The following DSCAM variants were observed in gnomAD, a reference collection of about 807,000 sequenced individuals.
DSCAM encodes DS cell adhesion molecule.
Under a neutral mutation model 217.7 loss-of-function variants are expected in DSCAM, and 47 were observed. That is an observed-to-expected ratio of 0.22 (90% CI 0.17 to 0.28). The LOEUF (loss-of-function observed/expected upper bound fraction) is 0.28, where lower values mean the gene tolerates loss of function less well. Ranked by LOEUF, DSCAM falls within the 10% of genes least tolerant of loss-of-function variation. The pLI is 1.00. For synonymous variants in DSCAM, 1,056 were observed against 1,015.3 expected, an observed-to-expected ratio of 1.04 and a Z score of -0.76; for missense variants, 2,080 against 2,618.3, an observed-to-expected ratio of 0.79 and a Z score of 4.49.
chr21:40,188,051 C>T (rs2090914290), intron 12 of DSCAM, 64 bp from the exon 13 acceptor site: 2 of 1,235,936 alleles, frequency 1.6e-6, no homozygotes, highest in East Asian at 4.8e-5. Context: ...AGCCGTAAAG[C>T]TCTCTCTCTC....
intron 4 of DSCAM, among the ~76,000 whole-genome samples, chr21:40,356,555 G>A (rs953892638): frequency 1.1e-4 from 17 of 152,130 alleles, no homozygotes; most frequent in African/African-American, 3.4e-4. Context: ...GCTTAAAGGC[G>A]ACTTAGCTGG....
chr21:40,668,090 C>T (rs546827901), intron 3 of DSCAM, among the ~76,000 whole-genome samples: 1 of 152,312 alleles, frequency 6.6e-6, no homozygotes, highest in East Asian at 1.9e-4. Flanking sequence ...ATACCAAATA[C>T]AGTTGCTAGA....
chr21:40,711,243 T>C (rs944901078), intron 1 of DSCAM, among the ~76,000 whole-genome samples: 4 of 152,174 alleles, frequency 2.6e-5, no homozygotes, highest in Non-Finnish European at 4.4e-5. Context: ...TTCTCCGTGG[T>C]GTGGAGCTGA....
chr21:40,809,227 C>A lies in DSCAM; in HGVS notation c.43+37392G>T, dbSNP rs568516275. Among the ~76,000 whole-genome samples, 295 of 152,262 alleles carry A rather than the reference C, an allele frequency of 1.9e-3. 3 individuals carry two copies. The highest frequency in any genetic ancestry group is 7.0e-3 in the African/African-American group (291 of 41,564). On this transcript the variant is annotated intron_variant, in intron 1 of 32. Coordinates refer to ENST00000400454, the MANE Select transcript of DSCAM (RefSeq NM_001389.5). ...CAAGAGACAACAGCTGCCACCATGT[C>A]CCAGGACAGACTGGTAGCTCATAAG... is the stretch of plus-strand genomic sequence containing the variant.
At chr21:40,686,217 A>ACACACACACCCCC (rs1555880554) in intron 3 of DSCAM, among the ~76,000 whole-genome samples, 1 of 146,698 alleles carries the variant, frequency 6.8e-6, no homozygotes, top group Non-Finnish European at 1.5e-5. Flanking sequence ...CCACACACAC[A>ACACACACACCCCC]CACACACACA....
intron 11 of DSCAM, among the ~76,000 whole-genome samples, chr21:40,235,705 C>G (rs1301427506): frequency 6.6e-6 from 1 of 152,002 alleles, no homozygotes; most frequent in Non-Finnish European, 1.5e-5. Context: ...AATTTGGCCT[C>G]ACTCCCAAGG....
At chr21:40,537,352 T>C (rs1163857853) in intron 3 of DSCAM, among the ~76,000 whole-genome samples, 1 of 152,176 alleles carries the variant, frequency 6.6e-6, no homozygotes, top group Admixed American at 6.5e-5. Flanking sequence ...CTTCTCCTCT[T>C]GCAAACATGT....
intron 11 of DSCAM, among the ~76,000 whole-genome samples, chr21:40,262,079 G>A (rs981618726): frequency 6.6e-6 from 1 of 151,454 alleles, no homozygotes; most frequent in African/African-American, 2.4e-5. Context: ...CTGTCCATGT[G>A]TACATAAAGA....
chr21:40,637,594 A>C lies in DSCAM; in HGVS notation c.508+55216T>G, dbSNP rs184266159. Among the ~76,000 whole-genome samples, 6 of 35,556 alleles carry C rather than the reference A, an allele frequency of 1.7e-4. 2 individuals carry two copies. The highest frequency in any genetic ancestry group is 1.5e-3 in the South Asian group (2 of 1,302). The allele number at this position is 35,556 out of a possible 152,430, so 23.3% of individuals were successfully genotyped here. A position where few individuals can be genotyped will look rare whatever the true frequency, so the allele number is the denominator to read the frequency against. On this transcript the variant is annotated intron_variant, in intron 3 of 32. Transcript: ENST00000400454. ...ATATATATAAATATATACATATATA[A>C]ATATATATATAAATATATATAAATA...
chr21:40,760,157 C>G (rs1027869727), intron 1 of DSCAM, among the ~76,000 whole-genome samples: 5 of 151,838 alleles, frequency 3.3e-5, no homozygotes, highest in Non-Finnish European at 7.4e-5. Context: ...CCACACCCAG[C>G]TAATTTTTGA....
intron 3 of DSCAM, among the ~76,000 whole-genome samples, chr21:40,495,193 A>T (rs1005970104): frequency 1.1e-4 from 17 of 152,184 alleles, no homozygotes; most frequent in African/African-American, 4.1e-4. Context: ...AAATTATTTT[A>T]AAAAGTCTAA....
At chr21:40,330,061 T>C (rs1407152910) in intron 8 of DSCAM, among the ~76,000 whole-genome samples, 1 of 152,020 alleles carries the variant, frequency 6.6e-6, no homozygotes, top group African/African-American at 2.4e-5. Context: ...ACAACCTATA[T>C]GTTATTTGAT....
At chr21:40,841,523 ACC>A (rs1227081805) in intron 1 of DSCAM, among the ~76,000 whole-genome samples, 1 of 152,082 alleles carries the variant, frequency 6.6e-6, no homozygotes, top group South Asian at 2.1e-4. Flanking sequence ...TGAAGAGTTA[ACC>A]CCCCAGTCCA....
chr21:40,584,098 C>T (rs2076925820), intron 3 of DSCAM, among the ~76,000 whole-genome samples: 1 of 152,082 alleles, frequency 6.6e-6, no homozygotes, highest in Non-Finnish European at 1.5e-5. Flanking sequence ...CTCATTTGAT[C>T]CCCACTTCCC....
At chr21:40,832,778 C>T (rs2092022158) in intron 1 of DSCAM, among the ~76,000 whole-genome samples, 1 of 152,184 alleles carries the variant, frequency 6.6e-6, no homozygotes, top group African/African-American at 2.4e-5. Context: ...CATCAAACTA[C>T]ACAATGAGCC....
chr21:40,262,075 A>G (rs971996209), intron 11 of DSCAM, among the ~76,000 whole-genome samples: 1 of 150,762 alleles, frequency 6.6e-6, no homozygotes, highest in African/African-American at 2.5e-5. Flanking sequence ...CTTTCTGTCC[A>G]TGTGTACATA....
intron 3 of DSCAM, among the ~76,000 whole-genome samples, chr21:40,429,366 A>G (rs952021393): frequency 4.6e-5 from 7 of 151,680 alleles, no homozygotes; most frequent in African/African-American, 1.7e-4. Flanking sequence ...TCCCGAGTTC[A>G]AGCAATTCTC....
rs776487116 is a variant in DSCAM, at chr21:40,488,773, G to C, written c.509-119528C>G. 7.0e-4 allele frequency among the ~76,000 whole-genome samples: 107 copies of C among 152,098 alleles called. 1 individual carries two copies. The highest frequency in any genetic ancestry group is 3.2e-3 in the Middle Eastern group (1 of 316). ...TGCCCCTTGAAAGATTAAGCAAATG[G>C]TTTATTTTTCCTTGGCTTCATTTCC... On this transcript the variant is annotated intron_variant, in intron 3 of 32. Transcript: ENST00000400454.
At chr21:40,794,667 G>A (rs527874674) in intron 1 of DSCAM, among the ~76,000 whole-genome samples, 1 of 150,448 alleles carries the variant, frequency 6.6e-6, no homozygotes, top group African/African-American at 2.4e-5. Context: ...AGATTGATAG[G>A]CCTTTAACAT....
Sources: allele counts gnomAD v4.1 joint callset (sites outside exome capture counted in the v4.1 genomes callset), GRCh38; gene constraint gnomAD v4.1.1; transcripts MANE v1.5; gene names NCBI Gene and HGNC (gene_info 2026-07-23, HGNC 2026-07-21).